Variants in RARRES1 observed in about 807,000 individuals in gnomAD.
RARRES1 encodes the protein retinoic acid receptor responder protein 1.
Under a neutral mutation model 30.6 loss-of-function variants are expected in RARRES1, and 34 were observed. The observed-to-expected ratio is 1.11, with a 90% CI of 0.84 to 1.48. RARRES1 has a LOEUF of 1.48. Among genes scored for constraint, RARRES1 ranks in the 40% most tolerant of loss-of-function variants. The probability of loss-of-function intolerance (pLI) is 0.00; values close to 1 mark genes in which losing one functional copy is unlikely to be tolerated. For synonymous variants in RARRES1, 153 were observed against 155.5 expected, an observed-to-expected ratio of 0.98 and a Z score of 0.12; for missense variants, 373 against 386.5, an observed-to-expected ratio of 0.97 and a Z score of 0.29.
At chr3:158,724,491 T>C (rs1727614919) in intron 1 of RARRES1, among the ~76,000 whole-genome samples, 1 of 152,138 alleles carries the variant, frequency 6.6e-6, no homozygotes, top group Admixed American at 6.5e-5. Flanking sequence ...TTTGCTTTGA[T>C]GGAGGATGGA....
chr3:158,715,318 T>A (rs1008216093), intron 1 of RARRES1, among the ~76,000 whole-genome samples: 1 of 152,234 alleles, frequency 6.6e-6, no homozygotes, highest in Admixed American at 6.5e-5. Context: ...GATCGCAGCC[T>A]GCGGGAGGCT....
chr3:158,714,405 C>T (rs904639772), intron 1 of RARRES1, among the ~76,000 whole-genome samples: 2 of 152,116 alleles, frequency 1.3e-5, no homozygotes, highest in Non-Finnish European at 2.9e-5. Context: ...ACCAGCAGGA[C>T]AGGAAGGAAG....
chr3:158,732,213 T>C lies in RARRES1; in HGVS notation c.203A>G (p.His68Arg), dbSNP rs190970900. Reference protein sequence around the residue: ...LLQQAARAALHFFNFRSGSPS... With the variant: ...LLQQAARAALRFFNFRSGSPS... Reference sequence around the variant, plus strand: ...CGAGCCGGACCGGAAGTTGAAGAAGTGAAGCGCCGCGCGCGCCGCCTGCTG... The same window carrying C: ...CGAGCCGGACCGGAAGTTGAAGAAGCGAAGCGCCGCGCGCGCCGCCTGCTG... Residue 68 changes from histidine to arginine, a missense_variant, in exon 1 of 6, where the codon CAC becomes CGC. By Grantham distance (29) the His-to-Arg change is conservative (BLOSUM62 0). Coordinates refer to ENST00000237696, the MANE Select transcript of RARRES1 (RefSeq NM_206963.2). 13,026 of 1,413,716 alleles carry C rather than the reference T, an allele frequency of 9.2e-3. 99 individuals carry two copies. The highest frequency in any genetic ancestry group is 0.01 in the Non-Finnish European group (10,988 of 1,090,112). The allele number at this position is 1,413,716 out of a possible 1,614,324, so 87.6% of individuals were successfully genotyped here.
intron 3 of RARRES1, 56 bp downstream of exon 3, chr3:158,710,682 G>T (rs1326074452): frequency 6.9e-7 from 1 of 1,456,118 alleles, no homozygotes; most frequent in East Asian, 2.3e-5. Flanking sequence ...TTTCTTTTAA[G>T]GATTTAGTTA....
intron 1 of RARRES1, among the ~76,000 whole-genome samples, chr3:158,730,339 C>G (rs1046504639): frequency 8.2e-6 from 1 of 121,874 alleles, no homozygotes; most frequent in Non-Finnish European, 1.8e-5. Context: ...AAAAAAAAAA[C>G]AAAGACAGGT....
rs189792458 is a variant in RARRES1, at chr3:158,704,351, C to T, written c.672+440G>A. Among the ~76,000 whole-genome samples, 63 of 151,138 alleles carry T rather than the reference C, an allele frequency of 4.2e-4. No homozygotes were observed. The East Asian group carries it at 4.5e-3, about 11-fold the overall frequency. ...GGATCAAGCAATCCTCCCAACTCTGCGTCCCGAGTACCTGGGACTATAGGC... is the reference window on the plus strand; with the variant it reads ...GGATCAAGCAATCCTCCCAACTCTGTGTCCCGAGTACCTGGGACTATAGGC... On this transcript the variant is annotated intron_variant, in intron 4 of 5. Coordinates refer to ENST00000237696, the MANE Select transcript of RARRES1 (RefSeq NM_206963.2).
At chr3:158,710,990 A>G (rs896475022) in intron 2 of RARRES1, 57 bp from the exon 3 acceptor site, 61 of 1,481,568 alleles carry the variant, frequency 4.1e-5, no homozygotes, top group Non-Finnish European at 1.0e-5. Context: ...GCACACAAGC[A>G]CACACAAGAT....
Position 158,732,455 on chromosome 3 carries a change from C to A in RARRES1, c.-40G>T. On this transcript the variant is annotated 5_prime_UTR_variant, in exon 1 of 6. Transcript: ENST00000237696. ...TGGCTCGGCACCCGACAGACACGGG[C>A]TCGGAGCGGGCAGTGCCGGCGCTCG... is the stretch of plus-strand genomic sequence containing the variant. 1 of 1,517,156 alleles carries A rather than the reference C, an allele frequency of 6.6e-7. No individual in the cohort carries two copies. Among genetic ancestry groups the A allele is most frequent in the Non-Finnish European group, 8.8e-7 (1 of 1,137,428 alleles). The allele number at this position is 1,517,156 out of a possible 1,614,324, so 94.0% of individuals were successfully genotyped here. A position where few individuals can be genotyped will look rare whatever the true frequency, so the allele number is the denominator to read the frequency against.
chr3:158,728,366 TC>T (rs1043000478), intron 1 of RARRES1, among the ~76,000 whole-genome samples: 1 of 152,074 alleles, frequency 6.6e-6, no homozygotes, highest in Non-Finnish European at 1.5e-5. Flanking sequence ...ACACTTCTCT[TC>T]CTTACCTGGC....
At chr3:158,701,898 GATGAA>G (rs139898835) in intron 4 of RARRES1, among the ~76,000 whole-genome samples, 23,985 of 151,952 alleles carry the variant, frequency 0.16, 1,934 homozygotes, top group South Asian at 0.22. Flanking sequence ...GGCCCTAAGA[GATGAA>G]ATGATTTGCC....
In RARRES1 at chr3:158,697,738, T is replaced by C; in HGVS notation, c.825A>G (p.Glu275=). The C allele has an allele frequency of 6.2e-7, 1 of 1,613,092 alleles. No individual in the cohort carries two copies. The highest frequency in any genetic ancestry group is 1.3e-5 in the African/African-American group (1 of 75,042). Residue 275 remains glutamate, a synonymous_variant, in exon 6 of 6, where the codon GAA becomes GAG. Coordinates refer to ENST00000237696, the MANE Select transcript of RARRES1 (RefSeq NM_206963.2). ...ATCCTTCTTCAGTTCCGGAGGCTTC[T>C]TCTGGTGTCTGTAGCTCTTGACAGT... ...KYHCQELQTP[E]EASGTEEGSA... is the part of the protein sequence containing the mutation.
At chr3:158,718,969 T>C (rs767548663) in intron 1 of RARRES1, among the ~76,000 whole-genome samples, 10 of 152,166 alleles carry the variant, frequency 6.6e-5, no homozygotes, top group Non-Finnish European at 1.2e-4. Flanking sequence ...TTACAGTGAT[T>C]TCATTCCTTT....
intron 1 of RARRES1, among the ~76,000 whole-genome samples, chr3:158,722,197 A>G (rs928976403): frequency 2.0e-5 from 3 of 152,068 alleles, no homozygotes; most frequent in Admixed American, 1.3e-4. Flanking sequence ...ATGGATAACT[A>G]CTTTGTTTTA....
rs1398030805 is a variant in RARRES1, at chr3:158,697,747, C to G, written c.816G>C (p.Gln272His). The G allele has an allele frequency of 6.2e-7, 1 of 1,611,976 alleles. No homozygotes were observed. Among genetic ancestry groups the G allele is most frequent in the Non-Finnish European group, 8.5e-7 (1 of 1,178,170 alleles). ...LKVKYHCQEL[Q>H]TPEEASGTEE... ...CAGTTCCGGAGGCTTCTTCTGGTGT[C>G]TGTAGCTCTTGACAGTGGTACTTCA... The change falls in exon 6 of 6, where the codon CAG (glutamine) becomes CAC (histidine). Residue 272 changes from glutamine (Q) to histidine (H), a missense_variant. Coordinates refer to ENST00000237696, the MANE Select transcript of RARRES1 (RefSeq NM_206963.2).
intron 1 of RARRES1, among the ~76,000 whole-genome samples, chr3:158,718,880 A>T (rs527999839): frequency 6.6e-6 from 1 of 152,210 alleles, no homozygotes; most frequent in Admixed American, 6.5e-5. Flanking sequence ...GACTTTTTTG[A>T]AACAGCCAAA....
At chr3:158,730,242 C>T (rs1201603008) in intron 1 of RARRES1, among the ~76,000 whole-genome samples, 1 of 150,602 alleles carries the variant, frequency 6.6e-6, no homozygotes, top group African/African-American at 2.4e-5. Context: ...ATCGCTTGAA[C>T]CTGGTAGGCG....
At chr3:158,700,223 GTATATATA>G (rs201043411) in intron 4 of RARRES1, among the ~76,000 whole-genome samples, 6 of 147,240 alleles carry the variant, frequency 4.1e-5, no homozygotes, top group African/African-American at 7.9e-5. Context: ...GTGTGTGTGT[GTATATATA>G]TATATATAAA....
chr3:158,732,117 C>G (rs1197806152), intron 1 of RARRES1, 23 bp downstream of exon 1: 19 of 1,318,716 alleles, frequency 1.4e-5, no homozygotes, highest in East Asian at 6.2e-5. Flanking sequence ...GGCGCGTGCC[C>G]CGGCGCGTCG....
In RARRES1 at chr3:158,717,262, T is replaced by C. The variant is rs896569854; in HGVS notation, c.277-3403A>G. On this transcript the variant is annotated intron_variant, in intron 1 of 5. Transcript: ENST00000237696. The stretch of plus-strand genomic sequence containing the variant: ...TCCTACCTTATTCCAAGTACTGTGC[T>C]GGGTGCAGGAAAGACAGAGCAAAAC... 3.3e-5 allele frequency among the ~76,000 whole-genome samples: 5 copies of C among 152,230 alleles called. No homozygotes were observed. The South Asian group carries it at 6.2e-4, about 19-fold the overall frequency.
Sources: gnomAD v4.1 joint callset for allele counts (sites outside exome capture counted in the v4.1 genomes callset) on GRCh38, gnomAD v4.1.1 for gene constraint, MANE v1.5 for transcripts, NCBI Gene and HGNC (gene_info 2026-07-23, HGNC 2026-07-21) for gene names.